The following SLC30A10 variants were observed in gnomAD, a reference collection of about 807,000 sequenced individuals.
SLC30A10 encodes calcium/manganese antiporter SLC30A10.
A neutral mutation model predicts 21.7 loss-of-function variants in SLC30A10; 8 were observed. That is an observed-to-expected ratio of 0.37 (90% CI 0.22 to 0.67). The LOEUF (loss-of-function observed/expected upper bound fraction) is 0.67, where lower values mean the gene tolerates loss of function less well. Among genes scored for constraint, SLC30A10 ranks in the 30% least tolerant of loss-of-function variants. The pLI is 0.58. For missense variants in SLC30A10, 521 were observed against 642.5 expected (o/e 0.81, Z 2.04); for synonymous variants, 272 against 279.4 (o/e 0.97, Z 0.26).
chr1:219,917,842 T>C (rs143669262), intron 3 of SLC30A10, among the ~76,000 whole-genome samples: 2,464 of 151,396 alleles, frequency 0.016, 25 homozygotes, highest in Non-Finnish European at 0.023. Flanking sequence ...TCCCGAGTAG[T>C]TGGGATTACA....
In SLC30A10 at chr1:219,913,594, G is replaced by A. The variant is rs1175145522; in HGVS notation, c.*1855C>T. On this transcript the variant is annotated 3_prime_UTR_variant, in exon 4 of 4. Transcript: ENST00000366926. ...TCCATGCCAAGTTTCTTAAGAGGATGCACTGTTTTGTGTGAGTACATGCCA... is the reference window on the plus strand; with the variant it reads ...TCCATGCCAAGTTTCTTAAGAGGATACACTGTTTTGTGTGAGTACATGCCA... The A allele has an allele frequency of 1.3e-5, 2 of 152,164 alleles. No individual in the cohort carries two copies. Among genetic ancestry groups the A allele is most frequent in the East Asian group, 1.9e-4 (1 of 5,196 alleles). The allele number at this position is 152,164 out of a possible 1,614,324, so 9.4% of individuals were successfully genotyped here. A position where few individuals can be genotyped will look rare whatever the true frequency, so the allele number is the denominator to read the frequency against.
intron 1 of SLC30A10, among the ~76,000 whole-genome samples, chr1:219,958,263 C>A (rs1160959301): frequency 2.6e-5 from 4 of 152,142 alleles, no homozygotes. Context: ...TCTTTCCAAT[C>A]GCTCTCTCTG....
At chr1:219,919,187 A>C (rs928117012) in intron 2 of SLC30A10, among the ~76,000 whole-genome samples, 1 of 152,244 alleles carries the variant, frequency 6.6e-6, no homozygotes, top group Non-Finnish European at 1.5e-5. Flanking sequence ...TATAGAACAC[A>C]TGCATTCCTC....
In SLC30A10 at chr1:219,915,134, C is replaced by T. The variant is rs1009314082; in HGVS notation, c.*315G>A. 63 of 309,420 alleles carry T rather than the reference C, an allele frequency of 2.0e-4. No individual in the cohort carries two copies. The highest frequency in any genetic ancestry group is 1.7e-4 in the Non-Finnish European group (28 of 165,620). The allele number at this position is 309,420 out of a possible 1,614,324, so 19.2% of individuals were successfully genotyped here. Reference sequence around the variant, plus strand: ...CAAGAACTTCTTTGAACACTGTATCCGCAGCTATTGAGCCCCAGTCCCAGA... The same window carrying T: ...CAAGAACTTCTTTGAACACTGTATCTGCAGCTATTGAGCCCCAGTCCCAGA... On this transcript the variant is annotated 3_prime_UTR_variant, in exon 4 of 4. Coordinates refer to ENST00000366926, the MANE Select transcript of SLC30A10 (RefSeq NM_018713.3).
At chr1:219,931,860 TGA>T (rs1387757814), upstream of SLC30A10, among the ~76,000 whole-genome samples, 2 of 152,290 alleles carry the variant, frequency 1.3e-5, no homozygotes, top group African/African-American at 2.4e-5. Context: ...AACCCTGTGC[TGA>T]GAGTTTTATA....
chr1:219,953,827 C>T (rs1168638768), intron 1 of SLC30A10, among the ~76,000 whole-genome samples: 1 of 151,676 alleles, frequency 6.6e-6, no homozygotes, highest in East Asian at 2.0e-4. Flanking sequence ...TTGCCTCAGC[C>T]TCCCGAGTAG....
chr1:219,929,608 C>T (rs994384100), upstream of SLC30A10, among the ~76,000 whole-genome samples: 3 of 152,108 alleles, frequency 2.0e-5, no homozygotes, highest in Admixed American at 6.6e-5. Flanking sequence ...GCAACCTCCG[C>T]CTCTCGGATT....
chr1:219,951,871 G>T (rs1039932456), intron 1 of SLC30A10, among the ~76,000 whole-genome samples: 1 of 152,108 alleles, frequency 6.6e-6, no homozygotes, highest in Non-Finnish European at 1.5e-5. Context: ...AAAGTGCTGG[G>T]ATTACAGGCA....
intron 2 of SLC30A10, among the ~76,000 whole-genome samples, chr1:219,921,465 G>T (rs978617740): frequency 3.3e-5 from 5 of 152,040 alleles, no homozygotes; most frequent in Non-Finnish European, 7.4e-5. Flanking sequence ...TTCAATTTCA[G>T]CTTTTCCTTC....
At chr1:219,935,178 C>G (rs559170367) in intron 1 of SLC30A10, among the ~76,000 whole-genome samples, 1 of 151,974 alleles carries the variant, frequency 6.6e-6, no homozygotes, top group South Asian at 2.1e-4. Flanking sequence ...AGAGAAAAAC[C>G]CCTTGATGTT....
chr1:219,954,347 CAGA>C (rs1432307253), intron 1 of SLC30A10, among the ~76,000 whole-genome samples: 1 of 151,838 alleles, frequency 6.6e-6, no homozygotes, highest in African/African-American at 2.4e-5. Flanking sequence ...TTATGAGAAA[CAGA>C]AGGAGAGAGA....
chr1:219,936,142 C>T (rs1042528150), intron 1 of SLC30A10, among the ~76,000 whole-genome samples: 33 of 152,182 alleles, frequency 2.2e-4, no homozygotes, highest in Admixed American at 4.6e-4. Context: ...GATTCTTGAC[C>T]TCTGACATGA....
upstream of SLC30A10, among the ~76,000 whole-genome samples, chr1:219,929,384 C>G (rs1188534693): frequency 1.3e-5 from 2 of 152,150 alleles, no homozygotes; most frequent in African/African-American, 4.8e-5. Flanking sequence ...GCCAAAGAAA[C>G]CAGGGCTGAC....
chr1:219,927,679 A>AAC lies in SLC30A10; in HGVS notation c.640+121_640+122insGT, dbSNP rs879135683. ...AAAAAAAAAAAAAAACAACAACAAC[A>AAC]AAAAAAAAAAAACAGAAAAAAAGCA... On this transcript the variant is annotated intron_variant, in intron 1 of 3. Coordinates refer to ENST00000366926, the MANE Select transcript of SLC30A10 (RefSeq NM_018713.3). The AAC allele has an allele frequency of 7.7e-4, 252 of 326,240 alleles. 1 individual carries two copies. Among genetic ancestry groups the AAC allele is most frequent in the African/African-American group, 4.1e-3 (53 of 12,844 alleles). The allele number at this position is 326,240 out of a possible 1,614,324, so 20.2% of individuals were successfully genotyped here.
At chr1:219,949,818 A>G (rs1052738548) in intron 1 of SLC30A10, among the ~76,000 whole-genome samples, 3 of 152,142 alleles carry the variant, frequency 2.0e-5, no homozygotes, top group African/African-American at 7.2e-5. Context: ...CATAATCATC[A>G]GAGACAGTTG....
rs914137049 is a variant in SLC30A10 at position 219,912,273 on chromosome 1, G to C, written c.*3176C>G. On this transcript the variant is annotated 3_prime_UTR_variant, in exon 4 of 4. Coordinates refer to ENST00000366926, the MANE Select transcript of SLC30A10 (RefSeq NM_018713.3). ...CTTTATTGACATTTTATCAAGAAGA[G>C]AGTAATTTTATTTTCTGTCAACAAT... Among the ~76,000 whole-genome samples, 1 of 150,386 alleles carries C rather than the reference G, an allele frequency of 6.6e-6. No homozygotes were observed. Among genetic ancestry groups the C allele is most frequent in the African/African-American group, 2.4e-5 (1 of 40,822 alleles).
chr1:219,955,483 C>T (rs111981148), intron 1 of SLC30A10, among the ~76,000 whole-genome samples: 184 of 152,234 alleles, frequency 1.2e-3, no homozygotes, highest in African/African-American at 4.2e-3. Context: ...TTTTCTGGTT[C>T]TGTATGTCTG....
chr1:219,956,505 T>C (rs552530648), intron 1 of SLC30A10, among the ~76,000 whole-genome samples: 4 of 151,980 alleles, frequency 2.6e-5, no homozygotes, highest in Admixed American at 1.3e-4. Context: ...TACTCTAGAA[T>C]TAAGCCAGCA....
At chr1:219,958,243 A>G (rs895882438) in intron 1 of SLC30A10, among the ~76,000 whole-genome samples, 2 of 152,138 alleles carry the variant, frequency 1.3e-5, no homozygotes, top group Non-Finnish European at 1.5e-5. Context: ...GAAGACTGCC[A>G]CATCCACCGT....
Sources: allele counts gnomAD v4.1 joint callset (sites outside exome capture counted in the v4.1 genomes callset), GRCh38; gene constraint gnomAD v4.1.1; transcripts MANE v1.5; gene names NCBI Gene and HGNC (gene_info 2026-07-23, HGNC 2026-07-21).